The following UROC1 variants were observed in gnomAD, a reference collection of about 807,000 sequenced individuals.
UROC1 encodes urocanate hydratase 1.
UROC1 carries 79 observed loss-of-function variants against 89.5 expected under a neutral mutation model. The ratio of observed to expected loss-of-function variants is 0.88; its 90% confidence interval spans 0.74 to 1.06. The LOEUF (loss-of-function observed/expected upper bound fraction) is 1.06, where lower values mean the gene tolerates loss of function less well. Ranked by LOEUF, UROC1 falls within the 50% of genes least tolerant of loss-of-function variation. The pLI is 0.00. For missense variants in UROC1, 885 were observed against 907.8 expected (o/e 0.97, Z 0.32); for synonymous variants, 361 against 354.8 (o/e 1.02, Z -0.20).
intron 8 of UROC1, 58 bp from the exon 9 acceptor site, chr3:126,504,141 C>A: frequency 6.4e-7 from 1 of 1,565,494 alleles, no homozygotes; most frequent in South Asian, 1.1e-5. Context: ...CAAATCTTCC[C>A]TAAGTGTATC....
chr3:126,484,922 C>T lies in UROC1; in HGVS notation c.1791-1454G>A, dbSNP rs146736945. Among the ~76,000 whole-genome samples, 337 of 152,332 alleles carry T rather than the reference C, an allele frequency of 2.2e-3. 1 individual carries two copies. Among genetic ancestry groups the T allele is most frequent in the African/African-American group, 7.6e-3 (315 of 41,572 alleles). ...AGAGGCCTCTTGGAGATTAGAACTACAGATTTTGTTTTAGAAGCCTGCATC... is the reference window on the plus strand; with the variant it reads ...AGAGGCCTCTTGGAGATTAGAACTATAGATTTTGTTTTAGAAGCCTGCATC... On this transcript the variant is annotated intron_variant, in intron 18 of 19. Coordinates refer to ENST00000290868, the MANE Select transcript of UROC1 (RefSeq NM_144639.3).
intron 11 of UROC1, 130 bp from the exon 12 acceptor site, chr3:126,500,284 G>T (rs566790574): frequency 2.3e-6 from 2 of 872,642 alleles, no homozygotes; most frequent in East Asian, 2.6e-5. Context: ...CCTGCTCCTC[G>T]GGTCGGCACC....
chr3:126,502,292 CTG>C (rs1368137572), intron 9 of UROC1, among the ~76,000 whole-genome samples: 8 of 107,122 alleles, frequency 7.5e-5, no homozygotes, highest in African/African-American at 9.9e-5. Context: ...TTTGTGTGTG[CTG>C]TGTGTCTCTG....
At chr3:126,511,841 C>A (rs577201105) in intron 1 of UROC1, among the ~76,000 whole-genome samples, 7 of 152,278 alleles carry the variant, frequency 4.6e-5, no homozygotes, top group African/African-American at 1.7e-4. Context: ...ATTTGCTAAC[C>A]ATTGAATTTT....
At chr3:126,483,304 G>A (rs79648980) in intron 19 of UROC1, 65 bp downstream of exon 19, 289,246 of 1,458,714 alleles carry the variant, frequency 0.2, 30,289 homozygotes, top group East Asian at 0.36. Flanking sequence ...GACAGCAAAC[G>A]TGGATGGGGA....
rs756093885 is a variant in UROC1, at chr3:126,498,129, T to G, written c.1360A>C (p.Thr454Pro). The stretch of plus-strand genomic sequence containing the variant: ...GCCAGGTCCTGGGGGTCCCCCGATG[T>G]GCACACCCAGCGGAAAGGCCCAAAT... ...QGFGPFRWVC[T>P]SGDPQDLAVT... Residue 454 changes from threonine (T) to proline (P), a missense_variant, in exon 14 of 20, where the codon ACA becomes CCA. Coordinates refer to ENST00000290868, the MANE Select transcript of UROC1 (RefSeq NM_144639.3). 1 of 1,614,066 alleles carries G rather than the reference T, an allele frequency of 6.2e-7. No homozygotes were observed. The highest frequency in any genetic ancestry group is 8.5e-7 in the Non-Finnish European group (1 of 1,180,034).
In UROC1 at chr3:126,504,013, C is replaced by A; in HGVS notation, c.884G>T (p.Arg295Leu). The A allele has an allele frequency of 1.9e-6, 3 of 1,614,072 alleles. No homozygotes were observed. Among genetic ancestry groups the A allele is most frequent in the Non-Finnish European group, 1.7e-6 (2 of 1,180,028 alleles). ...GCTGTACCTGAGCCTCTGGATGCAG[C>A]GGTCCAAGCTGTCAGTCACTTCCAT... ...WLMEVTDSLDRCIQRLREARK... is the reference protein window; with the variant it reads ...WLMEVTDSLDLCIQRLREARK... The change falls in exon 9 of 20, where the codon CGC becomes CTC. Residue 295 changes from arginine (R) to leucine (L), a missense_variant. Arg to Leu is a moderately radical substitution (Grantham distance 102). Coordinates refer to ENST00000290868, the MANE Select transcript of UROC1 (RefSeq NM_144639.3).
At chr3:126,502,648 ACT>A (rs1236609012) in intron 9 of UROC1, among the ~76,000 whole-genome samples, 1 of 136,202 alleles carries the variant, frequency 7.3e-6, no homozygotes, top group Non-Finnish European at 1.6e-5. Flanking sequence ...GCATGTGTGC[ACT>A]CTGTGTGTGC....
rs1256676234 is a variant in UROC1, at chr3:126,517,632, G to A, written c.88C>T (p.Pro30Ser). The A allele has an allele frequency of 1.2e-6, 2 of 1,611,842 alleles. No homozygotes were observed. Among genetic ancestry groups the A allele is most frequent in the Middle Eastern group, 1.7e-4 (1 of 5,920 alleles). The change falls in exon 1 of 20, where the codon CCT becomes TCT. Residue 30 changes from proline to serine, a missense_variant. Coordinates refer to ENST00000290868, the MANE Select transcript of UROC1 (RefSeq NM_144639.3). ...GGGCTGAGGCTGGGGGTCCTGACAGGGGCATGGGGCACCCCAGCCTGGCGT... is the reference window on the plus strand; with the variant it reads ...GGGCTGAGGCTGGGGGTCCTGACAGAGGCATGGGGCACCCCAGCCTGGCGT... ...RGRQAGVPHA[P>S]VRTPSLSPVE...
chr3:126,516,600 C>T (rs1276975762), intron 1 of UROC1, among the ~76,000 whole-genome samples: 2 of 25,748 alleles, frequency 7.8e-5, no homozygotes, highest in Admixed American at 8.2e-4. Flanking sequence ...CCCCCATTTC[C>T]CTTTCCCTCC....
intron 16 of UROC1, 75 bp from the exon 17 acceptor site, chr3:126,489,450 G>T (rs1560116497): frequency 1.6e-6 from 2 of 1,239,560 alleles, no homozygotes; most frequent in Non-Finnish European, 2.4e-6. Flanking sequence ...AGGACAAGGG[G>T]CAGGTCACAC....
chr3:126,492,586 G>A, intron 15 of UROC1, 70 bp from the exon 16 acceptor site: 1 of 1,246,262 alleles, frequency 8.0e-7, no homozygotes, highest in Non-Finnish European at 1.1e-6. Flanking sequence ...GGTGCAGGGA[G>A]ACACGGGTGG....
chr3:126,510,720 C>G lies in UROC1; in HGVS notation c.201G>C (p.Glu67Asp). 6.2e-7 allele frequency: 1 copy of G among 1,614,216 alleles called. No homozygotes were observed. Among genetic ancestry groups the G allele is most frequent in the Non-Finnish European group, 8.5e-7 (1 of 1,180,054 alleles). The change falls in exon 2 of 20, where the codon GAG becomes GAC. Residue 67 changes from glutamate to aspartate, a missense_variant. Coordinates refer to ENST00000290868, the MANE Select transcript of UROC1 (RefSeq NM_144639.3). Reference sequence around the variant, plus strand: ...TGTAGATGTGTCCGTACAGTTGCAGCTCCTGGGCAAACTCTGGGGCCAGCA... The same window carrying G: ...TGTAGATGTGTCCGTACAGTTGCAGGTCCTGGGCAAACTCTGGGGCCAGCA... ...QELLAPEFAQELQLYGHIYMY... is the reference protein window; with the variant it reads ...QELLAPEFAQDLQLYGHIYMY...
rs1935829051 is a variant in UROC1 at position 126,498,191 on chromosome 3, C to T, written c.1317-19G>A. ...TATGTCCCTGCAAGCACAGATGCCT[C>T]CTCACCCTGGGCCCGCTGGCTTGTT... On this transcript the variant is annotated intron_variant, in intron 13 of 19. Transcript: ENST00000290868. 1 of 1,613,948 alleles carries T rather than the reference C, an allele frequency of 6.2e-7. No homozygotes were observed. The highest frequency in any genetic ancestry group is 8.5e-7 in the Non-Finnish European group (1 of 1,180,014).
intron 6 of UROC1, among the ~76,000 whole-genome samples, chr3:126,507,131 G>T (rs1331319572): frequency 1.3e-5 from 2 of 151,980 alleles, no homozygotes; most frequent in Non-Finnish European, 2.9e-5. Context: ...CAAATGAAAA[G>T]CTTTCATTCC....
Position 126,517,675 on chromosome 3 carries a change from G to A in UROC1, c.45C>T (p.Pro15=). Residue 15 remains proline (P), a synonymous_variant, in exon 1 of 20, where the codon CCC becomes CCT. Coordinates refer to ENST00000290868, the MANE Select transcript of UROC1 (RefSeq NM_144639.3). ...CCTGGCGTCCCCGGTTCTCTGGGAG[G>A]GGCCGCAGGGGCAGGCCAGAGCACA... ...QALCSGLPLR[P]LPENRGRQAG... 6.2e-7 allele frequency: 1 copy of A among 1,602,636 alleles called. No individual in the cohort carries two copies. Among genetic ancestry groups the A allele is most frequent in the South Asian group, 1.1e-5 (1 of 89,604 alleles).
At chr3:126,493,189 A>C (rs1411855597) in intron 15 of UROC1, among the ~76,000 whole-genome samples, 1 of 152,062 alleles carries the variant, frequency 6.6e-6, no homozygotes, top group Non-Finnish European at 1.5e-5. Flanking sequence ...GCGGTCCTCA[A>C]GCAGGATGAC....
intron 8 of UROC1, among the ~76,000 whole-genome samples, chr3:126,504,762 C>T (rs1936015995): frequency 6.6e-6 from 1 of 152,232 alleles, no homozygotes; most frequent in South Asian, 2.1e-4. Context: ...TATCGCCAAG[C>T]CTTGCCTCAA....
In UROC1 at chr3:126,495,962, C is replaced by T. The variant is rs534039730; in HGVS notation, c.1509+76G>A. 158 of 1,444,486 alleles carry T rather than the reference C, an allele frequency of 1.1e-4. 1 individual carries two copies. The highest frequency in any genetic ancestry group is 8.4e-4 in the South Asian group (70 of 83,682). 89.5% of individuals were successfully genotyped at this position (1,444,486 alleles called of 1,614,324 possible). On this transcript the variant is annotated intron_variant, in intron 15 of 19. Coordinates refer to ENST00000290868, the MANE Select transcript of UROC1 (RefSeq NM_144639.3). ...GAGGCTGTGGACCAGGCTGAGCGCCCGTCAGCAGCACCTCACCTTTGGGCA... is the reference window on the plus strand; with the variant it reads ...GAGGCTGTGGACCAGGCTGAGCGCCTGTCAGCAGCACCTCACCTTTGGGCA...
Sources: gnomAD v4.1 joint callset for allele counts (sites outside exome capture counted in the v4.1 genomes callset) on GRCh38, gnomAD v4.1.1 for gene constraint, MANE v1.5 for transcripts, NCBI Gene and HGNC (gene_info 2026-07-23, HGNC 2026-07-21) for gene names.